The following ARNT2 variants were observed in gnomAD, a reference collection of about 807,000 sequenced individuals.
ARNT2 encodes aryl hydrocarbon receptor nuclear translocator 2, also known as ARNT protein 2.
A neutral mutation model predicts 91.7 loss-of-function variants in ARNT2; 36 were observed. The observed-to-expected ratio is 0.39, with a 90% CI of 0.30 to 0.52. The LOEUF (loss-of-function observed/expected upper bound fraction) is 0.52, where lower values mean the gene tolerates loss of function less well. ARNT2 is among the 20% of genes least tolerant of loss of function. The pLI is 0.72. For synonymous variants in ARNT2, 365 were observed against 347.1 expected, an observed-to-expected ratio of 1.05 and a Z score of -0.57; for missense variants, 775 against 939.3, an observed-to-expected ratio of 0.83 and a Z score of 2.29.
chr15:80,506,815 C>G (rs905450649), intron 5 of ARNT2, among the ~76,000 whole-genome samples: 1 of 152,118 alleles, frequency 6.6e-6, no homozygotes, highest in Non-Finnish European at 1.5e-5. Context: ...TGGGGAGGAG[C>G]TGGACTGAGG....
intron 15 of ARNT2, among the ~76,000 whole-genome samples, chr15:80,579,811 G>C (rs1404687539): frequency 6.6e-6 from 1 of 152,198 alleles, no homozygotes; most frequent in African/African-American, 2.4e-5. Context: ...CAGAGAGCAC[G>C]GCACACAGCA....
intron 5 of ARNT2, among the ~76,000 whole-genome samples, chr15:80,483,228 A>G (rs1398325228): frequency 6.6e-6 from 1 of 152,214 alleles, no homozygotes; most frequent in Non-Finnish European, 1.5e-5. Flanking sequence ...TTTTAATAGG[A>G]TTCCCGAGGA....
chr15:80,410,614 A>G (rs1895667043), intron 1 of ARNT2, among the ~76,000 whole-genome samples: 2 of 152,130 alleles, frequency 1.3e-5, no homozygotes, highest in South Asian at 2.1e-4. Flanking sequence ...CAGAACATAG[A>G]GCTTTTGGTC....
At chr15:80,586,027 A>G (rs1490860827) in intron 17 of ARNT2, among the ~76,000 whole-genome samples, 1 of 152,230 alleles carries the variant, frequency 6.6e-6, no homozygotes, top group African/African-American at 2.4e-5. Flanking sequence ...CAATAAATTG[A>G]TAACTGGCAA....
intron 1 of ARNT2, among the ~76,000 whole-genome samples, chr15:80,406,456 TAAATG>T (rs1378498627): frequency 6.6e-6 from 1 of 152,226 alleles, no homozygotes; most frequent in Non-Finnish European, 1.5e-5. Flanking sequence ...CAAAAGATGT[TAAATG>T]AAAACATTTT....
intron 5 of ARNT2, among the ~76,000 whole-genome samples, chr15:80,478,708 G>T (rs1306354773): frequency 6.6e-6 from 1 of 152,228 alleles, no homozygotes; most frequent in Non-Finnish European, 1.5e-5. Flanking sequence ...TTCCGTGGGG[G>T]AGAGCTTGGA....
At chr15:80,416,814 G>C (rs1008720983) in intron 1 of ARNT2, among the ~76,000 whole-genome samples, 19 of 152,038 alleles carry the variant, frequency 1.2e-4, no homozygotes, top group African/African-American at 4.6e-4. Context: ...TGTATCACAG[G>C]GTTACTTTTA....
chr15:80,418,529 T>C (rs1034456037), intron 1 of ARNT2, among the ~76,000 whole-genome samples: 1 of 152,088 alleles, frequency 6.6e-6, no homozygotes, highest in Non-Finnish European at 1.5e-5. Flanking sequence ...CCACTCCTCC[T>C]TCCTTGTCCT....
Position 80,583,185 on chromosome 15 carries a change from C to T in ARNT2, c.1918+1781C>T, listed in dbSNP as rs1053404695. The stretch of plus-strand genomic sequence containing the variant: ...CTGCAGGTGCGGCAGCCATGGTCTG[C>T]GTGGGGGCCCTTGTGGCTGCAGGCC... On this transcript the variant is annotated intron_variant, in intron 17 of 18. Coordinates refer to ENST00000303329, the MANE Select transcript of ARNT2 (RefSeq NM_014862.4). 5.4e-4 allele frequency among the ~76,000 whole-genome samples: 83 copies of T among 152,302 alleles called. 1 individual carries two copies. The highest frequency in any genetic ancestry group is 1.5e-3 in the African/African-American group (63 of 41,560).
Position 80,597,082 on chromosome 15 carries a change from C to A in ARNT2, c.*3384C>A, listed in dbSNP as rs1893385526. The A allele has an allele frequency of 2.0e-6, 1 of 509,444 alleles. No homozygotes were observed. Among genetic ancestry groups the A allele is most frequent in the South Asian group, 1.4e-5 (1 of 70,330 alleles). 31.6% of individuals were successfully genotyped at this position (509,444 alleles called of 1,614,324 possible). A position where few individuals can be genotyped will look rare whatever the true frequency, so the allele number is the denominator to read the frequency against. ...GATTCTGGTTGTTAAGGAACTTACA[C>A]TGGGGAGCTTTACTCTTCCGTGTCA... On this transcript the variant is annotated 3_prime_UTR_variant, in exon 19 of 19. Transcript: ENST00000303329.
chr15:80,452,366 T>C (rs912726294), intron 2 of ARNT2, among the ~76,000 whole-genome samples: 3 of 152,204 alleles, frequency 2.0e-5, no homozygotes, highest in African/African-American at 7.2e-5. Context: ...ATGAGCAGTG[T>C]TGGTGCCTGG....
At chr15:80,508,100 C>T in intron 5 of ARNT2, 56 bp from the exon 6 acceptor site, 2 of 1,564,944 alleles carry the variant, frequency 1.3e-6, no homozygotes, top group Non-Finnish European at 1.8e-6. Context: ...GAACTCCCTC[C>T]TCCATCTCCC....
At chr15:80,480,071 G>A (rs1896863081) in intron 5 of ARNT2, among the ~76,000 whole-genome samples, 1 of 152,140 alleles carries the variant, frequency 6.6e-6, no homozygotes, top group Admixed American at 6.5e-5. Flanking sequence ...CCTCTCACCA[G>A]GAATGCTGGG....
chr15:80,432,658 G>T (rs977795385), intron 1 of ARNT2, among the ~76,000 whole-genome samples: 1 of 152,010 alleles, frequency 6.6e-6, no homozygotes, highest in Non-Finnish European at 1.5e-5. Context: ...CTTAGGTGGT[G>T]CAGGTGGAGA....
chr15:80,568,056 C>T (rs4778819), intron 12 of ARNT2, among the ~76,000 whole-genome samples: 50,820 of 152,018 alleles, frequency 0.33, 9,482 homozygotes, highest in East Asian at 0.82. Context: ...CCTGGAGAAA[C>T]TGAGTGTTTA....
At chr15:80,551,398 G>A (rs1898078161) in intron 9 of ARNT2, 123 bp downstream of exon 9, 2 of 907,384 alleles carry the variant, frequency 2.2e-6, no homozygotes, top group Admixed American at 2.2e-5. Context: ...TGGGTTTCGT[G>A]TCTCACTCTG....
intron 8 of ARNT2, among the ~76,000 whole-genome samples, chr15:80,527,736 C>T (rs1231695011): frequency 6.6e-6 from 1 of 152,236 alleles, no homozygotes; most frequent in Non-Finnish European, 1.5e-5. Flanking sequence ...CAGCTGGTAA[C>T]TGGTAAGGTT....
intron 3 of ARNT2, among the ~76,000 whole-genome samples, chr15:80,469,991 A>AT (rs1896710415): frequency 6.6e-6 from 1 of 152,146 alleles, no homozygotes; most frequent in Non-Finnish European, 1.5e-5. Flanking sequence ...ATATGTATTT[A>AT]GAGATTGAGA....
Position 80,423,712 on chromosome 15 carries a change from A to G in ARNT2, c.31+19166A>G, listed in dbSNP as rs1280967809. On this transcript the variant is annotated intron_variant, in intron 1 of 18. Transcript: ENST00000303329. ...TTTCTGCAAATATGCTAGAATTTGT[A>G]GTGTGGTCAGTGAAGCTTTTGATGA... Among the ~76,000 whole-genome samples the G allele has an allele frequency of 2.0e-5, 3 of 151,812 alleles. No individual in the cohort carries two copies. The East Asian group carries it at 5.8e-4, about 29-fold the overall frequency.
Sources: allele counts gnomAD v4.1 joint callset (sites outside exome capture counted in the v4.1 genomes callset), GRCh38; gene constraint gnomAD v4.1.1; transcripts MANE v1.5; gene names NCBI Gene and HGNC (gene_info 2026-07-23, HGNC 2026-07-21).